Variants in FRMPD4 observed in about 807,000 individuals in gnomAD.
FRMPD4 encodes the protein FERM and PDZ domain containing 4.
FRMPD4 carries 22 observed loss-of-function variants against 94.1 expected under a neutral mutation model. The observed-to-expected ratio is 0.23, with a 90% CI of 0.17 to 0.33. FRMPD4 has a LOEUF of 0.33. FRMPD4 is among the 10% of genes least tolerant of loss of function. The pLI is 1.00. For synonymous variants in FRMPD4, 631 were observed against 548.6 expected, an observed-to-expected ratio of 1.15 and a Z score of -2.10; for missense variants, 1,111 against 1,339.9, an observed-to-expected ratio of 0.83 and a Z score of 2.67.
intron 1 of FRMPD4, among the ~76,000 whole-genome samples, chrX:12,439,240 G>T (rs756726961): frequency 9.0e-6 from 1 of 111,236 alleles, no homozygotes; most frequent in Non-Finnish European, 1.9e-5. Flanking sequence ...ATGGGAATTG[G>T]GGTTCTGGAA....
Position 12,720,919 on chromosome X carries a change from G to C in FRMPD4, c.4350G>C (p.Arg1450Ser), listed in dbSNP as rs1446092898. Residue 1450 changes from arginine to serine, a missense_variant, in exon 17 of 17, where the codon AGG (arginine) becomes AGC (serine). By Grantham distance (110) the Arg-to-Ser change is moderately radical. Around this residue, in one of 8 missense-constraint regions of FRMPD4, gnomAD observed 551 missense variants for 591.6 expected, o/e 0.93. Transcript: ENST00000675598. ...SERRAELPLGRKLTKSFSQSS... is the reference protein window; with the variant it reads ...SERRAELPLGSKLTKSFSQSS... ...GGCGAGCAGAACTCCCCCTGGGGAG[G>C]AAGCTCACCAAAAGTTTTTCCCAAA... 11 of 812,802 alleles carry C rather than the reference G, an allele frequency of 1.4e-5. No homozygotes were observed. Among genetic ancestry groups the C allele is most frequent in the Non-Finnish European group, 1.6e-5 (11 of 676,375 alleles). The allele number at this position is 812,802 out of a possible 1,213,427, so 67.0% of individuals were successfully genotyped here.
At position 12,716,079 on chromosome X, in the gene FRMPD4, C is replaced by T. The variant is rs781464377; in HGVS notation, c.1620C>T (p.Asn540=). 16 of 958,429 alleles carry T rather than the reference C, an allele frequency of 1.7e-5. No homozygotes were observed. Among genetic ancestry groups the T allele is most frequent in the East Asian group, 6.7e-5 (1 of 14,895 alleles). 79.0% of individuals were successfully genotyped at this position (958,429 alleles called of 1,213,427 possible). ...NTATQETGPE[N]KGKHNLLGPD... ...ATTCTTTCTCTTTAGGACCTGAAAA[C>T]AAGGGGAAGCATAACCTCCTTGGCC... Residue 540 remains asparagine, a synonymous_variant, in exon 15 of 17, where the codon AAC becomes AAT. Transcript: ENST00000675598.
intron 1 of FRMPD4, among the ~76,000 whole-genome samples, chrX:12,346,890 A>C (rs778110801): frequency 1.8e-5 from 2 of 112,442 alleles, no homozygotes; most frequent in South Asian, 7.4e-4. Context: ...ATAGGATATG[A>C]AATTATGTGG....
chrX:12,721,829 C>G lies in FRMPD4; in HGVS notation c.5260C>G (p.Arg1754Gly). Reference protein sequence around the residue: ...TMAALVSTLTRSLKRLLNK With the variant: ...TMAALVSTLTGSLKRLLNK ...GGCCGCTCTCGTAAGCACACTGACA[C>G]GTTCTCTCAAGAGGCTTTTAAACAA... is the stretch of plus-strand genomic sequence containing the variant. The change falls in exon 17 of 17, where the codon CGT (arginine) becomes GGT (glycine). Residue 1754 changes from arginine (R) to glycine (G), a missense_variant. Physicochemically the swap from Arg to Gly is moderately radical, Grantham distance 125. Around this residue, in one of 8 missense-constraint regions of FRMPD4, gnomAD observed 551 missense variants for 591.6 expected, o/e 0.93. Coordinates refer to ENST00000675598, the MANE Select transcript of FRMPD4 (RefSeq NM_001368397.1). 1 of 753,760 alleles carries G rather than the reference C, an allele frequency of 1.3e-6. No individual in the cohort carries two copies. The highest frequency in any genetic ancestry group is 1.5e-4 in the East Asian group (1 of 6,673). 62.1% of individuals were successfully genotyped at this position (753,760 alleles called of 1,213,427 possible). A position where few individuals can be genotyped will look rare whatever the true frequency, so the allele number is the denominator to read the frequency against.
intron 1 of FRMPD4, among the ~76,000 whole-genome samples, chrX:12,143,438 C>T (rs1410504254): frequency 3.5e-5 from 4 of 112,768 alleles, no homozygotes; most frequent in Non-Finnish European, 7.5e-5. Context: ...TCTATGGCTG[C>T]ATTTGCCTGA....
In FRMPD4 at chrX:12,695,394, C is replaced by CT. The variant is rs35768384; in HGVS notation, c.933+950dup. On this transcript the variant is annotated intron_variant, in intron 9 of 16. Transcript: ENST00000675598. ...ATTTGTGGAGAGTCACTTTGTAACT[C>CT]TTTTTTTTTTATTTATTTATTTATT... Among the ~76,000 whole-genome samples the CT allele has an allele frequency of 2.1e-4, 23 of 108,659 alleles. No homozygotes were observed. In the East Asian group the frequency reaches 3.8e-3, roughly 18 times the overall value. The allele number at this position is 108,659 out of a possible 115,157, so 94.4% of individuals were successfully genotyped here.
rs370786139 is a variant in FRMPD4 at position 12,331,863 on chromosome X, AT to A, written c.42-166816del. ...TTTATATACTATATATAAATTATAT[AT>A]ATTTATATACTATATATAAATTATA... On this transcript the variant is annotated intron_variant, in intron 1 of 16. Transcript: ENST00000675598. 7.9e-3 allele frequency among the ~76,000 whole-genome samples: 247 copies of A among 31,235 alleles called. 9 individuals carry two copies. Among genetic ancestry groups the A allele is most frequent in the African/African-American group, 0.058 (232 of 3,971 alleles). 27.1% of individuals were successfully genotyped at this position (31,235 alleles called of 115,157 possible).
intron 1 of FRMPD4, among the ~76,000 whole-genome samples, chrX:12,454,753 T>C (rs946319040): frequency 2.7e-5 from 3 of 110,430 alleles, no homozygotes; most frequent in African/African-American, 9.9e-5. Context: ...AACCTCGTTT[T>C]TTCAGAGACA....
intron 1 of FRMPD4, among the ~76,000 whole-genome samples, chrX:11,848,216 T>C (rs867344100): frequency 7.2e-5 from 8 of 111,010 alleles, no homozygotes; most frequent in African/African-American, 2.6e-4. Context: ...CTCTTTTGAT[T>C]TGTTTTGTTT....
chrX:11,961,338 T>C (rs917400657), intron 3 of FRMPD4, among the ~76,000 whole-genome samples: 1 of 112,196 alleles, frequency 8.9e-6, no homozygotes, highest in African/African-American at 3.2e-5. Flanking sequence ...AGAAAATTCT[T>C]ACTTGATTGT....
chrX:11,868,794 T>A lies in FRMPD4; in HGVS notation c.-30+3578T>A, dbSNP rs149594050. Among the ~76,000 whole-genome samples, 1,198 of 112,620 alleles carry A rather than the reference T, an allele frequency of 0.011. 31 individuals carry two copies. In the East Asian group the frequency reaches 0.13, roughly 12 times the overall value. ...TGGTAAACCATGACCCACAGGCCAA[T>A]TCCAGGCCACCACCACTTTTCATAA... On this transcript the variant is annotated intron_variant, in intron 2 of 18. Transcript: ENST00000640291.
At chrX:12,396,116 T>C (rs1187458107) in intron 1 of FRMPD4, 1 of 113,459 alleles carries the variant, frequency 8.8e-6, no homozygotes, top group East Asian at 2.8e-4. Flanking sequence ...TTTGAACCTC[T>C]TGATTTGCAC....
chrX:12,413,921 A>G (rs1355369257), intron 1 of FRMPD4, among the ~76,000 whole-genome samples: 1 of 111,973 alleles, frequency 8.9e-6, no homozygotes, highest in African/African-American at 3.2e-5. Context: ...TCAGTCTTCT[A>G]TTTCTTTCAA....
At chrX:11,835,905 G>A (rs985555623) in intron 1 of FRMPD4, among the ~76,000 whole-genome samples, 3 of 111,874 alleles carry the variant, frequency 2.7e-5, no homozygotes, top group African/African-American at 6.5e-5. Flanking sequence ...GCCCATGTGG[G>A]GCACTAAACA....
intron 1 of FRMPD4, among the ~76,000 whole-genome samples, chrX:12,252,351 A>G (rs2054053185): frequency 9.0e-6 from 1 of 111,671 alleles, no homozygotes; most frequent in Admixed American, 9.5e-5. Flanking sequence ...ATAAAAATAG[A>G]CCTGAGATTT....
chrX:12,343,404 C>A (rs926609441), intron 1 of FRMPD4, among the ~76,000 whole-genome samples: 5 of 111,412 alleles, frequency 4.5e-5, no homozygotes, highest in African/African-American at 1.6e-4. Context: ...TCTGGCTGGG[C>A]CCAGCAGGTC....
intron 1 of FRMPD4, among the ~76,000 whole-genome samples, chrX:12,446,335 A>T (rs2057195023): frequency 8.9e-6 from 1 of 112,321 alleles, no homozygotes; most frequent in Non-Finnish European, 1.9e-5. Flanking sequence ...CACTGCAGAG[A>T]TTTTGCATTC....
intron 3 of FRMPD4, among the ~76,000 whole-genome samples, chrX:11,994,505 C>T: frequency 9.0e-6 from 1 of 111,002 alleles, no homozygotes. Context: ...AAGAAGATTG[C>T]AGGATAGAGT....
At chrX:11,967,708 C>A (rs985310035) in intron 3 of FRMPD4, among the ~76,000 whole-genome samples, 1 of 103,488 alleles carries the variant, frequency 9.7e-6, no homozygotes, top group South Asian at 4.5e-4. Flanking sequence ...CGGGAATACA[C>A]GGAGAAGAGG....
Sources: gnomAD v4.1 joint callset for allele counts (sites outside exome capture counted in the v4.1 genomes callset) on GRCh38, gnomAD v4.1.1 for gene constraint, gnomAD v4.1.1 regional missense constraint, MANE v1.5 for transcripts, NCBI Gene and HGNC (gene_info 2026-07-23, HGNC 2026-07-21) for gene names.